GLI3: variants seen among roughly 807,000 people sequenced by gnomAD.
The protein encoded by GLI3 is GLI family zinc finger 3.
GLI3 carries 20 observed loss-of-function variants against 100.8 expected under a neutral mutation model. The ratio of observed to expected loss-of-function variants is 0.20; its 90% CI spans 0.14 to 0.29. The LOEUF is 0.29. Among genes scored for constraint, GLI3 ranks in the 10% least tolerant of loss-of-function variants. GLI3 has a pLI of 1.00. For synonymous variants in GLI3, 938 were observed against 860.5 expected, an observed-to-expected ratio of 1.09 and a Z score of -1.58; for missense variants, 2,040 against 2,128.5, an observed-to-expected ratio of 0.96 and a Z score of 0.82.
chr7:42,219,749 G>C lies in GLI3; in HGVS notation c.124+3381C>G, dbSNP rs368354451. 6.8e-4 allele frequency among the ~76,000 whole-genome samples: 104 copies of C among 152,074 alleles called. 3 individuals are homozygous for C. In the South Asian group the frequency reaches 0.02, roughly 29 times the overall value. On this transcript the variant is annotated intron_variant, in intron 2 of 14. Coordinates refer to ENST00000395925, the MANE Select transcript of GLI3 (RefSeq NM_000168.6). Reference sequence around the variant, plus strand: ...TTAAAGCAACCTCACCAATAACTCAGCCAGTAACAAAACTTTTTGTTCATT... The same window carrying C: ...TTAAAGCAACCTCACCAATAACTCACCCAGTAACAAAACTTTTTGTTCATT...
rs115927180 is a variant in GLI3 at position 42,157,178 on chromosome 7, C to T, written c.125-8710G>A. On this transcript the variant is annotated intron_variant, in intron 2 of 14. Coordinates refer to ENST00000395925, the MANE Select transcript of GLI3 (RefSeq NM_000168.6). Reference sequence around the variant, plus strand: ...CTCTGGGCAAAGGCCAGGTGCTGCCCGGGTCAGGTTTCTGCAACAGAAACC... The same window carrying T: ...CTCTGGGCAAAGGCCAGGTGCTGCCTGGGTCAGGTTTCTGCAACAGAAACC... Among the ~76,000 whole-genome samples, 282 of 152,296 alleles carry T rather than the reference C, an allele frequency of 1.9e-3. 1 individual carries two copies. Among genetic ancestry groups the T allele is most frequent in the African/African-American group, 6.5e-3 (272 of 41,568 alleles).
At chr7:42,222,102 C>A (rs1321835935) in intron 2 of GLI3, among the ~76,000 whole-genome samples, 2 of 152,186 alleles carry the variant, frequency 1.3e-5, no homozygotes, top group Non-Finnish European at 2.9e-5. Flanking sequence ...AGTGGCCAGG[C>A]TGCTTGGAAG....
rs200174321 is a variant in GLI3, at chr7:42,230,976, TG to T, written c.-43+5994del. The stretch of plus-strand genomic sequence containing the variant: ...ATCCACATATATCACAAAAATATCA[TG>T]ACTGATCAGATGTGTCCCTTGTCTC... On this transcript the variant is annotated intron_variant, in intron 1 of 14. Transcript: ENST00000395925. 4.4e-3 allele frequency among the ~76,000 whole-genome samples: 668 copies of T among 152,362 alleles called. 4 individuals are homozygous for T. The highest frequency in any genetic ancestry group is 8.0e-3 in the Admixed American group (123 of 15,310).
rs10266986 is a variant in GLI3, at chr7:42,073,254, C to T, written c.473+3498G>A. Reference sequence around the variant, plus strand: ...TCTATACTCATTCTACACTGCCTAACCATAAACTGTGGATAACACCGTAAG... The same window carrying T: ...TCTATACTCATTCTACACTGCCTAATCATAAACTGTGGATAACACCGTAAG... On this transcript the variant is annotated intron_variant, in intron 4 of 14. Coordinates refer to ENST00000395925, the MANE Select transcript of GLI3 (RefSeq NM_000168.6). Among the ~76,000 whole-genome samples the T allele has an allele frequency of 4.2e-3, 637 of 152,228 alleles. 4 individuals are homozygous for T. Among genetic ancestry groups the T allele is most frequent in the African/African-American group, 0.014 (587 of 41,546 alleles).
At chr7:42,233,196 T>C (rs936275825) in intron 1 of GLI3, among the ~76,000 whole-genome samples, 8 of 152,358 alleles carry the variant, frequency 5.3e-5, no homozygotes, top group East Asian at 1.9e-4. Flanking sequence ...GAATGAAATA[T>C]CTAAAGTGGC....
At chr7:41,982,914 T>C (rs1583754102) in intron 10 of GLI3, among the ~76,000 whole-genome samples, 1 of 152,290 alleles carries the variant, frequency 6.6e-6, no homozygotes, top group South Asian at 2.1e-4. Context: ...AGATCAGGTG[T>C]TGGCAAACAT....
intron 4 of GLI3, among the ~76,000 whole-genome samples, chr7:42,066,196 A>G (rs1784671412): frequency 6.6e-6 from 1 of 152,202 alleles, no homozygotes; most frequent in South Asian, 2.1e-4. Context: ...GCTTTTCTAA[A>G]GCTTGAGTAC....
intron 3 of GLI3, among the ~76,000 whole-genome samples, chr7:42,104,193 G>A (rs1334725886): frequency 6.6e-6 from 1 of 152,284 alleles, no homozygotes; most frequent in East Asian, 1.9e-4. Flanking sequence ...GTAAAATCCT[G>A]AACTTCACTT....
chr7:42,135,296 T>A (rs1448309606), intron 3 of GLI3, among the ~76,000 whole-genome samples: 3 of 152,240 alleles, frequency 2.0e-5, no homozygotes, highest in Non-Finnish European at 4.4e-5. Flanking sequence ...TTTTTCATGA[T>A]CTTTAGACTA....
intron 1 of GLI3, among the ~76,000 whole-genome samples, chr7:42,261,324 A>G (rs1198563892): frequency 1.3e-5 from 2 of 152,132 alleles, no homozygotes; most frequent in African/African-American, 4.8e-5. Context: ...TCACCAAACC[A>G]TGAGGGACCC....
Position 42,209,986 on chromosome 7 carries a change from GAAAAAAAAAAAA to G in GLI3, c.124+13132_124+13143del, listed in dbSNP as rs749477443. Reference sequence around the variant, plus strand: ...GGGTCATACATCTCTTTAAGAATCTGAAAAAAAAAAAAAAAAAAAAAAAAAAAAGGGCATAGG... The same window carrying G: ...GGGTCATACATCTCTTTAAGAATCTGAAAAAAAAAAAAAAAAGGGCATAGG... On this transcript the variant is annotated intron_variant, in intron 2 of 14. Transcript: ENST00000395925. Among the ~76,000 whole-genome samples the G allele has an allele frequency of 5.2e-3, 174 of 33,280 alleles. 2 individuals are homozygous for G. The highest frequency in any genetic ancestry group is 0.021 in the African/African-American group (143 of 6,720). The allele number at this position is 33,280 out of a possible 152,430, so 21.8% of individuals were successfully genotyped here. A position where few individuals can be genotyped will look rare whatever the true frequency, so the allele number is the denominator to read the frequency against.
At chr7:42,017,846 G>A (rs908479909) in intron 10 of GLI3, among the ~76,000 whole-genome samples, 19 of 152,164 alleles carry the variant, frequency 1.2e-4, no homozygotes, top group Admixed American at 6.5e-4. Flanking sequence ...AACAATGAGA[G>A]ACTGAGTGAC....
At chr7:42,235,228 G>A (rs1325365174) in intron 1 of GLI3, among the ~76,000 whole-genome samples, 1 of 152,060 alleles carries the variant, frequency 6.6e-6, no homozygotes, top group Non-Finnish European at 1.5e-5. Flanking sequence ...ATAATTACAG[G>A]AATCAATCAA....
intron 2 of GLI3, among the ~76,000 whole-genome samples, chr7:42,166,605 AG>A (rs1787246349): frequency 1.4e-5 from 2 of 141,948 alleles, no homozygotes; most frequent in South Asian, 2.4e-4. Flanking sequence ...AAGGGGGCAG[AG>A]GGAAGTCTCT....
At chr7:42,037,327 G>T (rs2128737238) in intron 7 of GLI3, among the ~76,000 whole-genome samples, 1 of 152,262 alleles carries the variant, frequency 6.6e-6, no homozygotes. Flanking sequence ...TTTTCTAGAT[G>T]TCTCCTTGCT....
chr7:42,133,446 G>A (rs148443539), intron 3 of GLI3, among the ~76,000 whole-genome samples: 25 of 152,126 alleles, frequency 1.6e-4, no homozygotes, highest in Non-Finnish European at 3.1e-4. Flanking sequence ...TCAGACTCCA[G>A]GCCTCACTCC....
intron 2 of GLI3, chr7:42,151,312 C>A (rs1043036211): frequency 3.3e-5 from 5 of 152,166 alleles, no homozygotes; most frequent in Admixed American, 3.3e-4. Context: ...CAAACAGCTA[C>A]GAGGCTTGAA....
chr7:42,181,619 AAAC>A (rs1787596228), intron 2 of GLI3, among the ~76,000 whole-genome samples: 2 of 152,162 alleles, frequency 1.3e-5, no homozygotes, highest in South Asian at 4.1e-4. Flanking sequence ...ACAAACAAAA[AAAC>A]AACAAAAACA....
intron 10 of GLI3, among the ~76,000 whole-genome samples, chr7:42,009,344 G>A (rs1014092681): frequency 7.2e-5 from 11 of 152,056 alleles, no homozygotes; most frequent in Non-Finnish European, 1.5e-4. Flanking sequence ...AGGACAACAC[G>A]TTTATGATAA....
Sources: gnomAD v4.1 joint callset for allele counts (sites outside exome capture counted in the v4.1 genomes callset) on GRCh38, gnomAD v4.1.1 for gene constraint, MANE v1.5 for transcripts, NCBI Gene and HGNC (gene_info 2026-07-23, HGNC 2026-07-21) for gene names.